Variants in FER observed in about 807,000 individuals in gnomAD.
FER encodes the protein tyrosine-protein kinase Fer.
Under a neutral mutation model 111.0 loss-of-function variants are expected in FER, and 63 were observed. The observed-to-expected ratio is 0.57, with a 90% CI of 0.46 to 0.70. The LOEUF is 0.70. Ranked by LOEUF, FER falls within the 30% of genes least tolerant of loss-of-function variation. FER has a pLI of 0.00. For synonymous variants in FER, 327 were observed against 313.9 expected, an observed-to-expected ratio of 1.04 and a Z score of -0.44; for missense variants, 914 against 954.0, an observed-to-expected ratio of 0.96 and a Z score of 0.55.
intron 16 of FER, among the ~76,000 whole-genome samples, chr5:109,050,139 A>G (rs1772572701): frequency 6.6e-6 from 1 of 152,232 alleles, no homozygotes; most frequent in African/African-American, 2.4e-5. Context: ...TTCAAGCATC[A>G]GTGATTACAT....
chr5:109,166,165 A>C (rs1218314687), intron 17 of FER, among the ~76,000 whole-genome samples: 2 of 151,718 alleles, frequency 1.3e-5, no homozygotes, highest in Non-Finnish European at 2.9e-5. Context: ...ATGTTAGCCT[A>C]GCCATAGGGT....
chr5:109,154,361 C>T (rs985952497), intron 17 of FER, among the ~76,000 whole-genome samples: 1 of 151,732 alleles, frequency 6.6e-6, no homozygotes, highest in African/African-American at 2.4e-5. Flanking sequence ...ATTTTTACCA[C>T]GTAAAAGGTG....
chr5:109,057,062 A>T lies in FER; in HGVS notation c.1924+9864A>T, dbSNP rs541144003. 3.3e-5 allele frequency among the ~76,000 whole-genome samples: 5 copies of T among 152,148 alleles called. No individual in the cohort carries two copies. In the South Asian group the frequency reaches 1.0e-3, roughly 32 times the overall value. ...CAATATTAAGCTTTCTGATCCATGG[A>T]CATAGTATATCTCTGTAGTTACATA... On this transcript the variant is annotated intron_variant, in intron 16 of 19. Coordinates refer to ENST00000281092, the MANE Select transcript of FER (RefSeq NM_005246.4).
chr5:108,748,436 G>A (rs560786410), intron 1 of FER: 2 of 152,428 alleles, frequency 1.3e-5, no homozygotes, highest in Non-Finnish European at 2.9e-5. Context: ...TCCCTTCCAG[G>A]CGGCCTCAGC....
intron 17 of FER, among the ~76,000 whole-genome samples, chr5:109,106,097 G>A (rs1432930541): frequency 2.0e-5 from 3 of 152,188 alleles, no homozygotes; most frequent in Admixed American, 2.0e-4. Context: ...CTACTCTACT[G>A]CCTTGTACAA....
chr5:109,098,570 T>C (rs1310096100), intron 16 of FER, among the ~76,000 whole-genome samples: 1 of 151,686 alleles, frequency 6.6e-6, no homozygotes, highest in East Asian at 1.9e-4. Flanking sequence ...AAAGAATTAA[T>C]ATGTGAATAT....
intron 17 of FER, among the ~76,000 whole-genome samples, chr5:109,153,716 C>T (rs187051319): frequency 4.6e-4 from 70 of 151,942 alleles, no homozygotes; most frequent in South Asian, 1.0e-3. Context: ...TCATTATCCC[C>T]AGTTTACAGA....
chr5:108,833,390 A>G (rs1198545654), intron 4 of FER, among the ~76,000 whole-genome samples: 1 of 152,060 alleles, frequency 6.6e-6, no homozygotes, highest in Non-Finnish European at 1.5e-5. Context: ...TATTTTTATT[A>G]TAGAAATTTG....
At chr5:109,001,140 G>A (rs1485404928) in intron 13 of FER, among the ~76,000 whole-genome samples, 1 of 152,116 alleles carries the variant, frequency 6.6e-6, no homozygotes, top group African/African-American at 2.4e-5. Context: ...TATAAGGCCA[G>A]CATCATCCTG....
rs549695356 is a variant in FER at position 108,836,791 on chromosome 5, C to T, written c.481+984C>T. ...CAGTTCTTTCTCTTCTCCTTCCTTTCTCTCTCCTTTTCCCCTCTTCTTTAT... is the reference window on the plus strand; with the variant it reads ...CAGTTCTTTCTCTTCTCCTTCCTTTTTCTCTCCTTTTCCCCTCTTCTTTAT... On this transcript the variant is annotated intron_variant, in intron 5 of 19. Coordinates refer to ENST00000281092, the MANE Select transcript of FER (RefSeq NM_005246.4). Among the ~76,000 whole-genome samples the T allele has an allele frequency of 3.9e-4, 59 of 152,010 alleles. No homozygotes were observed. In the South Asian group the frequency reaches 0.011, roughly 28 times the overall value.
intron 1 of FER, 123 bp downstream of exon 1, chr5:108,748,123 G>A (rs897308325): frequency 6.6e-6 from 1 of 152,264 alleles, no homozygotes; most frequent in Admixed American, 6.5e-5. Flanking sequence ...GTACAGGATT[G>A]AAAGACAGTT....
intron 3 of FER, among the ~76,000 whole-genome samples, chr5:108,817,187 G>A (rs1011266345): frequency 6.8e-6 from 1 of 146,368 alleles, no homozygotes; most frequent in East Asian, 2.1e-4. Context: ...ACTAGTCCAG[G>A]GAAACCGTGA....
intron 5 of FER, among the ~76,000 whole-genome samples, chr5:108,858,070 G>T (rs148304568): frequency 2.4e-3 from 358 of 152,268 alleles, no homozygotes; most frequent in Non-Finnish European, 4.0e-3. Context: ...GACAGACACA[G>T]GAAATAAGCA....
chr5:108,876,694 G>T (rs1424496651), intron 8 of FER, among the ~76,000 whole-genome samples: 2 of 152,134 alleles, frequency 1.3e-5, no homozygotes, highest in South Asian at 2.1e-4. Flanking sequence ...TATGGTCATG[G>T]ATTGCTATTG....
chr5:108,844,514 C>G (rs1382201197), intron 5 of FER, among the ~76,000 whole-genome samples: 1 of 152,066 alleles, frequency 6.6e-6, no homozygotes, highest in African/African-American at 2.4e-5. Flanking sequence ...CAACAGACAG[C>G]ACCTATTTAA....
chr5:109,051,591 A>C, intron 16 of FER: 1 of 1,607,424 alleles, frequency 6.2e-7, no homozygotes. Flanking sequence ...TTCTGTCGCC[A>C]TTAACCAGCT....
intron 13 of FER, among the ~76,000 whole-genome samples, chr5:109,011,005 C>T (rs886092916): frequency 2.6e-5 from 4 of 152,168 alleles, no homozygotes; most frequent in African/African-American, 4.8e-5. Flanking sequence ...ATGAGCCTCA[C>T]TCAGATGTAC....
At chr5:108,951,187 C>G (rs1047249721) in intron 11 of FER, among the ~76,000 whole-genome samples, 5 of 152,108 alleles carry the variant, frequency 3.3e-5, no homozygotes, top group Admixed American at 1.3e-4. Context: ...TCACTTGGAC[C>G]CAGGAGGCAG....
At chr5:108,983,731 A>G (rs891596243) in intron 13 of FER, among the ~76,000 whole-genome samples, 1 of 152,128 alleles carries the variant, frequency 6.6e-6, no homozygotes, top group Admixed American at 6.5e-5. Context: ...AAGGTCATAG[A>G]GGAGCAAGAG....
Sources: gnomAD v4.1 joint callset for allele counts (sites outside exome capture counted in the v4.1 genomes callset) on GRCh38, gnomAD v4.1.1 for gene constraint, MANE v1.5 for transcripts, NCBI Gene and HGNC (gene_info 2026-07-23, HGNC 2026-07-21) for gene names.